Variants in ROBO2 observed in about 807,000 individuals in gnomAD.
ROBO2 encodes the protein roundabout homolog 2.
ROBO2 carries 53 observed loss-of-function variants against 160.8 expected under a neutral mutation model. The observed-to-expected ratio is 0.33, with a 90% CI of 0.26 to 0.41. The LOEUF (loss-of-function observed/expected upper bound fraction) is 0.41. Among genes scored for constraint, ROBO2 ranks in the 10% least tolerant of loss-of-function variants. The pLI is 1.00. For missense variants in ROBO2, 1,577 were observed against 1,722.4 expected, an observed-to-expected ratio of 0.92 and a Z score of 1.49; for synonymous variants, 664 against 611.7, an observed-to-expected ratio of 1.09 and a Z score of -1.26.
intron 2 of ROBO2, among the ~76,000 whole-genome samples, chr3:76,669,393 G>T (rs1475621794): frequency 1.3e-5 from 2 of 152,026 alleles, no homozygotes; most frequent in African/African-American, 4.8e-5. Context: ...TCTCCATTTT[G>T]GCAAAGAGAC....
At chr3:76,552,684 A>G (rs1350589720) in intron 2 of ROBO2, among the ~76,000 whole-genome samples, 1 of 152,242 alleles carries the variant, frequency 6.6e-6, no homozygotes, top group East Asian at 1.9e-4. Flanking sequence ...CTCTATTGTG[A>G]ACCCATGTAG....
intron 2 of ROBO2, among the ~76,000 whole-genome samples, chr3:76,446,049 G>C (rs1206815723): frequency 6.6e-6 from 1 of 152,098 alleles, no homozygotes; most frequent in East Asian, 1.9e-4. Context: ...GGGCAATCAG[G>C]CAGGAGAAAG....
At chr3:77,138,092 CTCTT>C (rs1473837097) in intron 2 of ROBO2, among the ~76,000 whole-genome samples, 2 of 152,106 alleles carry the variant, frequency 1.3e-5, no homozygotes, top group Non-Finnish European at 2.9e-5. Flanking sequence ...TTGCAATTCA[CTCTT>C]TCTTAGCTTT....
chr3:76,576,845 C>T (rs913889665), intron 2 of ROBO2, among the ~76,000 whole-genome samples: 4 of 149,444 alleles, frequency 2.7e-5, no homozygotes, highest in African/African-American at 4.9e-5. Context: ...TGTAATCTAA[C>T]AATTCCTTGA....
In ROBO2 at chr3:76,657,709, T is replaced by A. The variant is rs7647388; in HGVS notation, c.110-440305T>A. Among the ~76,000 whole-genome samples, 236 of 117,770 alleles carry A rather than the reference T, an allele frequency of 2.0e-3. 1 individual carries two copies. Among genetic ancestry groups the A allele is most frequent in the African/African-American group, 8.0e-3 (232 of 28,920 alleles). The allele number at this position is 117,770 out of a possible 152,430, so 77.3% of individuals were successfully genotyped here. ...ATGTGTGTATATATATTCATATATG[T>A]GTGTATATATATTCATATATGAGTG... is the stretch of plus-strand genomic sequence containing the variant. On this transcript the variant is annotated intron_variant, in intron 2 of 26. Transcript: ENST00000487694.
rs143010164 is a variant in ROBO2, at chr3:77,298,875, G to A, written c.389-178539G>A. Among the ~76,000 whole-genome samples the A allele has an allele frequency of 1.7e-3, 263 of 152,270 alleles. 1 individual carries two copies. The highest frequency in any genetic ancestry group is 5.8e-3 in the African/African-American group (241 of 41,550). On this transcript the variant is annotated intron_variant, in intron 2 of 25. Transcript: ENST00000461745. ...AGTCAGTATGGAAGATAAGATATAC[G>A]TGTACAGAATTATAATAAAACACTG...
intron 2 of ROBO2, among the ~76,000 whole-genome samples, chr3:76,647,316 G>C (rs1033233378): frequency 6.6e-6 from 1 of 152,148 alleles, no homozygotes; most frequent in African/African-American, 2.4e-5. Context: ...CCCAAGAATT[G>C]TACAGACAAA....
At chr3:76,993,923 C>T (rs2060838216) in intron 2 of ROBO2, among the ~76,000 whole-genome samples, 1 of 151,052 alleles carries the variant, frequency 6.6e-6, no homozygotes, top group South Asian at 2.1e-4. Flanking sequence ...AGTTAAAGCT[C>T]TACTCTTCTA....
intron 2 of ROBO2, among the ~76,000 whole-genome samples, chr3:77,405,551 T>C (rs2076186894): frequency 6.6e-6 from 1 of 151,974 alleles, no homozygotes; most frequent in South Asian, 2.1e-4. Flanking sequence ...ACTCTAGTGT[T>C]TGAAAATGTT....
At chr3:76,433,984 C>T (rs572707424) in intron 2 of ROBO2, 1 of 835,836 alleles carries the variant, frequency 1.2e-6, no homozygotes, top group South Asian at 1.3e-5. Flanking sequence ...TAAGGGCAGT[C>T]CAGAGGTGAG....
intron 2 of ROBO2, among the ~76,000 whole-genome samples, chr3:76,009,871 AT>A (rs1442764453): frequency 1.3e-5 from 2 of 152,138 alleles, no homozygotes; most frequent in African/African-American, 2.4e-5. Context: ...TAGATAAATT[AT>A]TTTTTTCACT....
intron 5 of ROBO2, among the ~76,000 whole-genome samples, chr3:77,506,439 A>C (rs1432919961): frequency 6.6e-6 from 1 of 152,036 alleles, no homozygotes; most frequent in African/African-American, 2.4e-5. Context: ...AACAATCCTA[A>C]ATATCCAGTC....
intron 2 of ROBO2, among the ~76,000 whole-genome samples, chr3:75,987,850 C>T (rs557608150): frequency 1.4e-4 from 21 of 151,944 alleles, no homozygotes; most frequent in Non-Finnish European, 2.5e-4. Context: ...GATCAATTTT[C>T]GTGTGTTGGA....
chr3:76,232,731 C>T (rs558952497), intron 2 of ROBO2, among the ~76,000 whole-genome samples: 3 of 152,266 alleles, frequency 2.0e-5, no homozygotes, highest in Non-Finnish European at 2.9e-5. Flanking sequence ...TCACAGATTA[C>T]AGCCAGGCAT....
chr3:76,364,917 T>G (rs530871739), intron 2 of ROBO2, among the ~76,000 whole-genome samples: 2 of 152,182 alleles, frequency 1.3e-5, no homozygotes, highest in African/African-American at 4.8e-5. Flanking sequence ...TTCTAAAGAC[T>G]CTCTACCTGT....
intron 2 of ROBO2, among the ~76,000 whole-genome samples, chr3:76,489,439 G>T (rs1405840352): frequency 6.6e-6 from 1 of 151,846 alleles, no homozygotes. Flanking sequence ...AAAGTGTATG[G>T]GTTTCAGTTT....
chr3:77,424,893 G>C (rs1396197183), intron 2 of ROBO2, among the ~76,000 whole-genome samples: 1 of 152,180 alleles, frequency 6.6e-6, no homozygotes, highest in Non-Finnish European at 1.5e-5. Flanking sequence ...ACAGGTTATA[G>C]ATGGTTTTCT....
At chr3:77,016,900 A>G (rs2062302562) in intron 2 of ROBO2, among the ~76,000 whole-genome samples, 1 of 152,212 alleles carries the variant, frequency 6.6e-6, no homozygotes, top group African/African-American at 2.4e-5. Flanking sequence ...GGAAATACAC[A>G]TCTCAGAATA....
chr3:77,343,892 A>C (rs1476391353), intron 2 of ROBO2, among the ~76,000 whole-genome samples: 1 of 152,144 alleles, frequency 6.6e-6, no homozygotes, highest in Non-Finnish European at 1.5e-5. Flanking sequence ...AATGAAGAAA[A>C]TACAATGCTC....
Sources: allele counts gnomAD v4.1 joint callset (sites outside exome capture counted in the v4.1 genomes callset), GRCh38; gene constraint gnomAD v4.1.1; transcripts MANE v1.5; gene names NCBI Gene and HGNC (gene_info 2026-07-23, HGNC 2026-07-21).